KCNC2: variants seen among roughly 807,000 people sequenced by gnomAD.
KCNC2 encodes potassium voltage-gated channel subfamily C member 2, also known as voltage-gated potassium channel KCNC2.
Under a neutral mutation model 44.5 loss-of-function variants are expected in KCNC2, and 21 were observed. The observed-to-expected ratio is 0.47, with a 90% CI of 0.33 to 0.68. The LOEUF is 0.68. KCNC2 is among the 30% of genes least tolerant of loss of function. The pLI is 0.01. For missense variants in KCNC2, 589 were observed against 826.2 expected, an observed-to-expected ratio of 0.71 and a Z score of 3.52; for synonymous variants, 391 against 339.1, an observed-to-expected ratio of 1.15 and a Z score of -1.68.
chr12:75,205,488 T>C (rs916584354), intron 2 of KCNC2, among the ~76,000 whole-genome samples: 16 of 152,294 alleles, frequency 1.1e-4, no homozygotes, highest in African/African-American at 3.8e-4. Context: ...TTCAAGTCAA[T>C]GGTTTATCCT....
Position 75,066,229 on chromosome 12 carries a change from C to T in KCNC2, c.688-14912G>A, listed in dbSNP as rs552411135. 3.3e-5 allele frequency among the ~76,000 whole-genome samples: 5 copies of T among 152,058 alleles called. No individual in the cohort carries two copies. In the East Asian group the frequency reaches 7.7e-4, roughly 23 times the overall value. ...AATTTTCTTTTTGCTTTGTTATGTT[C>T]TGCTCAAATTTTATTATATCATTTC... On this transcript the variant is annotated intron_variant, in intron 2 of 4. Transcript: ENST00000549446.
chr12:75,182,921 T>TATGCC lies in KCNC2; in HGVS notation c.687+24371_687+24375dup, dbSNP rs555214939. 1.3e-4 allele frequency among the ~76,000 whole-genome samples: 20 copies of TATGCC among 152,322 alleles called. No homozygotes were observed. In the East Asian group the frequency reaches 2.9e-3, roughly 22 times the overall value. ...GAGGACAAGAGATTGCGGGCTGTTTTATGCCATGCAGTGTACTGAGATGGT... is the reference window on the plus strand; with the variant it reads ...GAGGACAAGAGATTGCGGGCTGTTTTATGCCATGCCATGCAGTGTACTGAGATGGT... On this transcript the variant is annotated intron_variant, in intron 2 of 4. Transcript: ENST00000549446.
At chr12:75,048,936 C>T (rs183806629) in intron 3 of KCNC2, among the ~76,000 whole-genome samples, 1 of 152,224 alleles carries the variant, frequency 6.6e-6, no homozygotes, top group Non-Finnish European at 1.5e-5. Context: ...TTGCCAAAGA[C>T]TTTCACCATC....
intron 2 of KCNC2, among the ~76,000 whole-genome samples, chr12:75,182,534 A>AAC (rs1892667227): frequency 7.3e-6 from 1 of 137,702 alleles, no homozygotes; most frequent in Admixed American, 8.5e-5. Context: ...AAAAAAAAAA[A>AAC]AAACAAAAAA....
intron 4 of KCNC2, among the ~76,000 whole-genome samples, chr12:75,046,838 CAAG>C (rs1880578712): frequency 6.6e-6 from 1 of 151,772 alleles, no homozygotes; most frequent in Non-Finnish European, 1.5e-5. Context: ...ATGAAAGGAA[CAAG>C]AGTCTTTTGT....
chr12:75,143,981 T>G (rs1412143715), intron 2 of KCNC2, among the ~76,000 whole-genome samples: 1 of 152,166 alleles, frequency 6.6e-6, no homozygotes, highest in Admixed American at 6.6e-5. Flanking sequence ...GTAAAGATCA[T>G]TTCATGGGAG....
At chr12:75,068,048 G>T (rs181778214) in intron 2 of KCNC2, among the ~76,000 whole-genome samples, 2 of 152,112 alleles carry the variant, frequency 1.3e-5, no homozygotes, top group African/African-American at 4.8e-5. Context: ...ATTTGTAAAA[G>T]GTACAGTGTT....
chr12:75,063,723 G>A (rs1254535362), intron 2 of KCNC2, among the ~76,000 whole-genome samples: 2 of 152,048 alleles, frequency 1.3e-5, no homozygotes, highest in African/African-American at 4.8e-5. Context: ...TCAATAAAGT[G>A]TTTGAGATCT....
intron 2 of KCNC2, among the ~76,000 whole-genome samples, chr12:75,179,228 C>T (rs976856381): frequency 2.0e-5 from 3 of 151,876 alleles, no homozygotes; most frequent in African/African-American, 7.2e-5. Context: ...GGAAATGATA[C>T]AGTATTTTAT....
chr12:75,158,916 G>A (rs1890937758), intron 2 of KCNC2, among the ~76,000 whole-genome samples: 1 of 151,810 alleles, frequency 6.6e-6, no homozygotes, highest in Non-Finnish European at 1.5e-5. Flanking sequence ...ATGCAACAGG[G>A]ATGACAAAAA....
At chr12:75,064,060 C>A (rs1454066091) in intron 2 of KCNC2, among the ~76,000 whole-genome samples, 1 of 151,966 alleles carries the variant, frequency 6.6e-6, no homozygotes, top group African/African-American at 2.4e-5. Context: ...AATGAGAATA[C>A]AATGAAAAGA....
chr12:75,208,155 C>A (rs2031864496), intron 1 of KCNC2, among the ~76,000 whole-genome samples, 153 bp from the exon 2 acceptor site: 1 of 152,096 alleles, frequency 6.6e-6, no homozygotes, highest in South Asian at 2.1e-4. Flanking sequence ...CAGCGTCCAG[C>A]GCTGTCCCCG....
chr12:75,105,491 T>C (rs1320291856), intron 2 of KCNC2, among the ~76,000 whole-genome samples: 1 of 152,076 alleles, frequency 6.6e-6, no homozygotes, highest in Non-Finnish European at 1.5e-5. Flanking sequence ...TGTTTAAGAA[T>C]AGATTAAGAG....
intron 2 of KCNC2, among the ~76,000 whole-genome samples, chr12:75,206,005 A>G (rs888274394): frequency 1.3e-5 from 2 of 152,090 alleles, no homozygotes; most frequent in African/African-American, 4.8e-5. Flanking sequence ...AGTCTAAAGG[A>G]GTAGCAATGC....
chr12:75,055,981 A>G (rs1881705269), intron 2 of KCNC2, among the ~76,000 whole-genome samples: 1 of 151,934 alleles, frequency 6.6e-6, no homozygotes, highest in East Asian at 1.9e-4. Context: ...TTTTTTCAAA[A>G]CTGTGCCTAG....
intron 1 of KCNC2, among the ~76,000 whole-genome samples, 173 bp from the exon 2 acceptor site, chr12:75,208,175 T>C (rs1185045864): frequency 6.6e-6 from 1 of 152,096 alleles, no homozygotes; most frequent in Non-Finnish European, 1.5e-5. Context: ...GCCTCTTGCA[T>C]CAAACCTTTC....
At chr12:75,160,677 G>C (rs1891064734) in intron 2 of KCNC2, among the ~76,000 whole-genome samples, 1 of 151,756 alleles carries the variant, frequency 6.6e-6, no homozygotes, top group Non-Finnish European at 1.5e-5. Flanking sequence ...TGCTTTTCTG[G>C]TAACAATGTT....
intron 2 of KCNC2, among the ~76,000 whole-genome samples, chr12:75,194,837 C>A (rs1004414149): frequency 3.9e-5 from 6 of 152,056 alleles, no homozygotes; most frequent in Non-Finnish European, 8.8e-5. Context: ...AGATAAAGTT[C>A]TTTTAAAACA....
rs186226445 is a variant in KCNC2, at chr12:75,112,808, T to C, written c.688-61491A>G. Among the ~76,000 whole-genome samples, 11 of 152,150 alleles carry C rather than the reference T, an allele frequency of 7.2e-5. No individual in the cohort carries two copies. In the East Asian group the frequency reaches 2.1e-3, roughly 29 times the overall value. On this transcript the variant is annotated intron_variant, in intron 2 of 4. Transcript: ENST00000549446. ...CATATTAAGTACATTACTTTTGAAT[T>C]AATAGTAACCATACAAAGGATAAAC...
Sources: gnomAD v4.1 joint callset for allele counts (sites outside exome capture counted in the v4.1 genomes callset) on GRCh38, gnomAD v4.1.1 for gene constraint, MANE v1.5 for transcripts, NCBI Gene and HGNC (gene_info 2026-07-23, HGNC 2026-07-21) for gene names.